The following SIK3 variants were observed in gnomAD, a reference collection of about 807,000 sequenced individuals.
SIK3 encodes serine/threonine-protein kinase SIK3.
Under a neutral mutation model 144.2 loss-of-function variants are expected in SIK3, and 28 were observed. That is an observed-to-expected ratio of 0.19 (90% CI 0.14 to 0.27). The LOEUF (loss-of-function observed/expected upper bound fraction) is 0.27. Among genes scored for constraint, SIK3 ranks in the 10% least tolerant of loss-of-function variants. The pLI is 1.00. For missense variants in SIK3, 1,319 were observed against 1,776.0 expected (o/e 0.74, Z 4.62); for synonymous variants, 686 against 676.3 (o/e 1.01, Z -0.22).
chr11:117,093,845 C>G (rs965228767), intron 1 of SIK3, among the ~76,000 whole-genome samples: 11 of 151,950 alleles, frequency 7.2e-5, no homozygotes, highest in Non-Finnish European at 1.3e-4. Flanking sequence ...TGGCATCTAC[C>G]TACACAAAAC....
chr11:116,954,860 C>T lies in SIK3; in HGVS notation c.391-753G>A, dbSNP rs376934203. ...CTCCATCTCAATCCCCAGAGGAACACTGTTCTCTGCTTATTGTATATCTTT... is the reference window on the plus strand; with the variant it reads ...CTCCATCTCAATCCCCAGAGGAACATTGTTCTCTGCTTATTGTATATCTTT... On this transcript the variant is annotated intron_variant, in intron 2 of 24. Transcript: ENST00000445177. 3.9e-4 allele frequency among the ~76,000 whole-genome samples: 60 copies of T among 152,304 alleles called. 1 individual carries two copies. In the East Asian group the frequency reaches 6.0e-3, roughly 15 times the overall value.
chr11:117,090,221 T>C (rs1250033052), intron 1 of SIK3, among the ~76,000 whole-genome samples: 1 of 152,142 alleles, frequency 6.6e-6, no homozygotes, highest in Non-Finnish European at 1.5e-5. Flanking sequence ...ACTGTATGAC[T>C]ACATTATTAT....
intron 21 of SIK3, among the ~76,000 whole-genome samples, chr11:116,853,026 G>T (rs1166021400): frequency 6.6e-6 from 1 of 152,146 alleles, no homozygotes; most frequent in Non-Finnish European, 1.5e-5. Context: ...ATGACCAGGG[G>T]ATCAGAAAAC....
chr11:116,979,317 T>C (rs1009012649), intron 1 of SIK3, among the ~76,000 whole-genome samples: 4 of 152,190 alleles, frequency 2.6e-5, no homozygotes, highest in Admixed American at 2.0e-4. Context: ...AAAATTAACT[T>C]TTTCATGACT....
chr11:116,943,211 T>C lies in SIK3; in HGVS notation c.454+10833A>G, dbSNP rs189978422. 4.9e-4 allele frequency among the ~76,000 whole-genome samples: 74 copies of C among 151,866 alleles called. 2 individuals are homozygous for C. Among genetic ancestry groups the C allele is most frequent in the Middle Eastern group, 6.8e-3 (2 of 294 alleles). On this transcript the variant is annotated intron_variant, in intron 3 of 24. Transcript: ENST00000445177. ...AAAAAAATTACTTCAAAAAGTGCTA[T>C]AGGAGAGGTATGTTCAAAGTGAAGA...
chr11:116,861,421 T>G, intron 18 of SIK3, 38 bp from the exon 19 acceptor site: 1 of 1,430,504 alleles, frequency 7.0e-7, no homozygotes, highest in Non-Finnish European at 9.7e-7. Context: ...AGAAGCTTCC[T>G]AAGGTGACAG....
At position 116,846,832 on chromosome 11, in the gene SIK3, T is replaced by C. The variant is rs1942003016; in HGVS notation, c.3953-279A>G. The stretch of plus-strand genomic sequence containing the variant: ...TCAACTACTGTAGTGTGAGAGAAGA[T>C]AGAGGACTCCTTCAGAAAGGATCAC... On this transcript the variant is annotated intron_variant, in intron 23 of 24. Transcript: ENST00000445177. This position sits in a 1 kb window ranked among gnomAD's most constrained non-coding sequence, Gnocchi z 4.1. 6.6e-6 allele frequency among the ~76,000 whole-genome samples: 1 copy of C among 152,202 alleles called. No individual in the cohort carries two copies. Among genetic ancestry groups the C allele is most frequent in the Non-Finnish European group, 1.5e-5 (1 of 68,024 alleles).
chr11:116,942,242 T>C (rs112033907), intron 3 of SIK3, among the ~76,000 whole-genome samples: 1 of 152,244 alleles, frequency 6.6e-6, no homozygotes, highest in Non-Finnish European at 1.5e-5. Flanking sequence ...GCCTACTATA[T>C]GTTAGACACT....
At chr11:117,018,234 C>G (rs769115311) in intron 1 of SIK3, among the ~76,000 whole-genome samples, 1 of 152,150 alleles carries the variant, frequency 6.6e-6, no homozygotes, top group Non-Finnish European at 1.5e-5. Context: ...CCCCGAGGAA[C>G]CTGCATATAC....
intron 4 of SIK3, among the ~76,000 whole-genome samples, chr11:116,918,464 T>G (rs1946787158): frequency 1.3e-5 from 2 of 152,066 alleles, no homozygotes; most frequent in Non-Finnish European, 2.9e-5. Flanking sequence ...CTTTTTCTAT[T>G]CCCAACCTCT....
intron 1 of SIK3, among the ~76,000 whole-genome samples, chr11:117,022,440 C>T (rs1951819336): frequency 6.6e-6 from 1 of 152,266 alleles, no homozygotes; most frequent in South Asian, 2.1e-4. Flanking sequence ...AAAAGCCTAA[C>T]TGAAAAAACA....
At position 116,845,062 on chromosome 11, in the gene SIK3, C is replaced by G. The variant is rs1941842187; in HGVS notation, c.*581G>C. ...TCTCTTTTTTTGTTCTTTTTGTTTT[C>G]TAAGTGCCAGAAGCCGTCACCCTTC... is the stretch of plus-strand genomic sequence containing the variant. On this transcript the variant is annotated 3_prime_UTR_variant, in exon 25 of 25. Coordinates refer to ENST00000445177, the MANE Select transcript of SIK3 (RefSeq NM_001366686.3). The G allele has an allele frequency of 6.6e-6, 1 of 152,026 alleles. No individual in the cohort carries two copies. Among genetic ancestry groups the G allele is most frequent in the South Asian group, 2.1e-4 (1 of 4,828 alleles). The allele number at this position is 152,026 out of a possible 1,614,324, so 9.4% of individuals were successfully genotyped here. A position where few individuals can be genotyped will look rare whatever the true frequency, so the allele number is the denominator to read the frequency against.
intron 14 of SIK3, 53 bp downstream of exon 14, chr11:116,870,278 T>C (rs565123596): frequency 6.2e-6 from 10 of 1,610,578 alleles, no homozygotes; most frequent in Non-Finnish European, 7.6e-6. Context: ...TTTCGCTGGT[T>C]GCAGGGGAGC....
chr11:116,908,786 C>T (rs1447275802), intron 4 of SIK3, among the ~76,000 whole-genome samples: 1 of 152,180 alleles, frequency 6.6e-6, no homozygotes, highest in Non-Finnish European at 1.5e-5. Flanking sequence ...CTGGAGAGGA[C>T]ATGGAGCAAG....
intron 4 of SIK3, among the ~76,000 whole-genome samples, chr11:116,920,207 G>A (rs1454803112): frequency 7.1e-6 from 1 of 140,786 alleles, no homozygotes; most frequent in Non-Finnish European, 1.5e-5. Context: ...TGCTGCCCAC[G>A]CTGCTCCAAC....
chr11:117,000,662 C>T (rs1233456387), intron 1 of SIK3, among the ~76,000 whole-genome samples: 1 of 152,186 alleles, frequency 6.6e-6, no homozygotes, highest in Non-Finnish European at 1.5e-5. Flanking sequence ...GACAAAGTAG[C>T]TTTCAGGTTC....
chr11:116,952,552 C>T (rs925282131), intron 3 of SIK3, among the ~76,000 whole-genome samples: 28 of 152,146 alleles, frequency 1.8e-4, no homozygotes, highest in African/African-American at 6.8e-4. Flanking sequence ...TCTCTCTCTC[C>T]AAATATTCTC....
At chr11:116,936,710 T>C (rs1236466852) in intron 3 of SIK3, among the ~76,000 whole-genome samples, 1 of 152,258 alleles carries the variant, frequency 6.6e-6, no homozygotes, top group Non-Finnish European at 1.5e-5. Context: ...ATCCTTTACA[T>C]TGTTACCAGT....
intron 1 of SIK3, among the ~76,000 whole-genome samples, chr11:117,029,298 C>T (rs1952156829): frequency 6.6e-6 from 1 of 151,784 alleles, no homozygotes; most frequent in Non-Finnish European, 1.5e-5. Flanking sequence ...AACCCTGGAT[C>T]TACAAAAAAT....
Sources: allele counts gnomAD v4.1 joint callset (sites outside exome capture counted in the v4.1 genomes callset), GRCh38; gene constraint gnomAD v4.1.1; non-coding constraint Gnocchi (gnomAD v3.1); transcripts MANE v1.5; gene names NCBI Gene and HGNC (gene_info 2026-07-23, HGNC 2026-07-21).